Variants in ZNF527 observed in about 807,000 individuals in gnomAD.
ZNF527 encodes the protein zinc finger protein 527.
Under a neutral mutation model 13.5 loss-of-function variants are expected in ZNF527, and 5 were observed. That is an observed-to-expected ratio of 0.37 (90% CI 0.19 to 0.78). The LOEUF (loss-of-function observed/expected upper bound fraction) is 0.78, where lower values mean the gene tolerates loss of function less well. Ranked by LOEUF, ZNF527 falls within the 30% of genes least tolerant of loss-of-function variation. The pLI, the probability that ZNF527 is intolerant of heterozygous loss-of-function variation, is 0.48. For synonymous variants in ZNF527, 209 were observed against 243.1 expected (o/e 0.86, Z 1.30); for missense variants, 628 against 726.4 (o/e 0.86, Z 1.56).
At chr19:37,375,311 T>TTTCTTTTCTTTCTTTCTTTC (rs760003304) in intron 2 of ZNF527, among the ~76,000 whole-genome samples, 56 of 79,806 alleles carry the variant, frequency 7.0e-4, no homozygotes, top group East Asian at 3.7e-3. Flanking sequence ...TCTTTCTTTC[T>TTTCTTTTCTTTCTTTCTTTC]TTTCTTTCTT....
intron 4 of ZNF527, among the ~76,000 whole-genome samples, chr19:37,387,286 T>G (rs1373779215): frequency 6.6e-6 from 1 of 152,232 alleles, no homozygotes; most frequent in East Asian, 1.9e-4. Flanking sequence ...GATTATAGCC[T>G]TGAACACCAA....
chr19:37,377,844 C>G (rs73930980), intron 2 of ZNF527, among the ~76,000 whole-genome samples: 46 of 152,128 alleles, frequency 3.0e-4, no homozygotes, highest in African/African-American at 1.1e-3. Context: ...TTGCTTGTGG[C>G]TGAACCCAAC....
In ZNF527 at chr19:37,391,887, A is replaced by T. The variant is rs1296194697; in HGVS notation, c.*2008A>T. 1 of 152,182 alleles carries T rather than the reference A, an allele frequency of 6.6e-6. No individual in the cohort carries two copies. The highest frequency in any genetic ancestry group is 1.9e-4 in the East Asian group (1 of 5,188). The allele number at this position is 152,182 out of a possible 1,614,324, so 9.4% of individuals were successfully genotyped here. ...TCTTGAATAGTGAGAACCAGTAAGAATATTGGGTATTGCCTGAAGAGCATC... is the reference window on the plus strand; with the variant it reads ...TCTTGAATAGTGAGAACCAGTAAGATTATTGGGTATTGCCTGAAGAGCATC... On this transcript the variant is annotated 3_prime_UTR_variant, in exon 5 of 5. Coordinates refer to ENST00000436120, the MANE Select transcript of ZNF527 (RefSeq NM_032453.2).
chr19:37,380,465 A>T, intron 4 of ZNF527, 93 bp downstream of exon 4: 1 of 1,021,564 alleles, frequency 9.8e-7, no homozygotes, highest in Non-Finnish European at 1.4e-6. Flanking sequence ...GTGGGATGAG[A>T]ACTGAAATCT....
chr19:37,380,066 G>A (rs370998114), intron 3 of ZNF527: 10 of 912,202 alleles, frequency 1.1e-5, no homozygotes, highest in Non-Finnish European at 1.1e-5. Context: ...TGCAGCTGCT[G>A]TAGCACTTTG....
chr19:37,385,543 G>A, intron 4 of ZNF527: 1 of 389,964 alleles, frequency 2.6e-6, no homozygotes, highest in Non-Finnish European at 4.5e-6. Flanking sequence ...TTCTTTTTTT[G>A]TTCATAATTT....
Position 37,392,165 on chromosome 19 carries a change from A to G in ZNF527, c.*2286A>G, listed in dbSNP as rs2040760165. ...TATTTCCAAACTTATGTTACATCTA[A>G]TCTGAAACATATTAATATTATAAGC... On this transcript the variant is annotated 3_prime_UTR_variant, in exon 5 of 5. Transcript: ENST00000436120. 6.6e-6 allele frequency: 1 copy of G among 152,182 alleles called. No individual in the cohort carries two copies. Among genetic ancestry groups the G allele is most frequent in the Non-Finnish European group, 1.5e-5 (1 of 68,034 alleles). The allele number at this position is 152,182 out of a possible 1,614,324, so 9.4% of individuals were successfully genotyped here.
Position 37,389,489 on chromosome 19 carries a change from G to A in ZNF527, c.1440G>A (p.Arg480=), listed in dbSNP as rs1340212402. The change falls in exon 5 of 5, where the codon AGG becomes AGA. Residue 480 remains arginine, a synonymous_variant. Coordinates refer to ENST00000436120, the MANE Select transcript of ZNF527 (RefSeq NM_032453.2). ...GCATCAAATGTGGGAAGTTTTTTAGGACTGACTCACAACTTAATCGACATC... is the reference window on the plus strand; with the variant it reads ...GCATCAAATGTGGGAAGTTTTTTAGAACTGACTCACAACTTAATCGACATC... ...YECIKCGKFF[R]TDSQLNRHHR... 6.2e-7 allele frequency: 1 copy of A among 1,613,812 alleles called. No individual in the cohort carries two copies. The highest frequency in any genetic ancestry group is 2.2e-5 in the East Asian group (1 of 44,840).
At chr19:37,372,788 A>G (rs1052335050) in intron 1 of ZNF527, among the ~76,000 whole-genome samples, 1 of 151,988 alleles carries the variant, frequency 6.6e-6, no homozygotes, top group Non-Finnish European at 1.5e-5. Context: ...CTATTTTTAC[A>G]ATGAAGAAAT....
chr19:37,383,127 T>C (rs1252664713), intron 4 of ZNF527, among the ~76,000 whole-genome samples: 1 of 152,224 alleles, frequency 6.6e-6, no homozygotes, highest in Admixed American at 6.5e-5. Flanking sequence ...ACAAATTTAT[T>C]GTAGCTCTGG....
chr19:37,393,002 T>C lies in ZNF527; in HGVS notation c.*3123T>C, dbSNP rs2040766587. 6.6e-6 allele frequency: 1 copy of C among 152,200 alleles called. No homozygotes were observed. The highest frequency in any genetic ancestry group is 6.5e-5 in the Admixed American group (1 of 15,276). The allele number at this position is 152,200 out of a possible 1,614,324, so 9.4% of individuals were successfully genotyped here. On this transcript the variant is annotated 3_prime_UTR_variant, in exon 5 of 5. Coordinates refer to ENST00000436120, the MANE Select transcript of ZNF527 (RefSeq NM_032453.2). ...GTTATTAGGACCATCTAGAGATTTC[T>C]GTTTATGTGTGTGTATGTGCATCTG... is the stretch of plus-strand genomic sequence containing the variant.
intron 2 of ZNF527, among the ~76,000 whole-genome samples, chr19:37,378,115 C>T (rs767883754): frequency 4.0e-5 from 6 of 151,632 alleles, no homozygotes; most frequent in Non-Finnish European, 8.8e-5. Flanking sequence ...CCTGCAGCCT[C>T]CTCCCGAGTT....
chr19:37,384,740 A>C, intron 4 of ZNF527: 3 of 517,444 alleles, frequency 5.8e-6, no homozygotes, highest in South Asian at 2.7e-5. Flanking sequence ...GAGGAAGGGA[A>C]ATGCTGTTAT....
Position 37,374,040 on chromosome 19 carries a change from G to A in ZNF527, c.-41-118G>A, listed in dbSNP as rs2040579979. ...ACCCCGCCACCCTGGCCAGATCTTG[G>A]AAAAGGTGAGGCTGGCCCATGTAGG... On this transcript the variant is annotated intron_variant, in intron 1 of 4. Transcript: ENST00000436120. The A allele has an allele frequency of 4.7e-5, 33 of 699,646 alleles. 3 individuals are homozygous for A. In the South Asian group the frequency reaches 5.2e-4, roughly 11 times the overall value. The allele number at this position is 699,646 out of a possible 1,614,324, so 43.3% of individuals were successfully genotyped here. A position where few individuals can be genotyped will look rare whatever the true frequency, so the allele number is the denominator to read the frequency against.
At position 37,389,783 on chromosome 19, in the gene ZNF527, A is replaced by G; in HGVS notation, c.1734A>G (p.Gly578=). The change falls in exon 5 of 5, where the codon GGA becomes GGG. Residue 578 remains glycine (G), a synonymous_variant. Transcript: ENST00000436120. ...GACTACACCAGAGAATTCACGCTGG[A>G]GAAAAACCTTATAAATGTAACGAAT... The part of the protein sequence containing the change: ...SLRLHQRIHA[G]EKPYKCNECG... 1 of 1,613,624 alleles carries G rather than the reference A, an allele frequency of 6.2e-7. No individual in the cohort carries two copies. The highest frequency in any genetic ancestry group is 1.1e-5 in the South Asian group (1 of 91,076).
chr19:37,389,543 T>G lies in ZNF527; in HGVS notation c.1494T>G (p.Phe498Leu). 1 of 1,614,194 alleles carries G rather than the reference T, an allele frequency of 6.2e-7. No individual in the cohort carries two copies. The highest frequency in any genetic ancestry group is 8.5e-7 in the Non-Finnish European group (1 of 1,180,030). Residue 498 changes from phenylalanine (F) to leucine (L), a missense_variant, in exon 5 of 5, where the codon TTT (phenylalanine) becomes TTG (leucine). Phe to Leu is a conservative substitution (Grantham distance 22). Around this residue, in one of 3 missense-constraint regions of ZNF527, gnomAD observed 592 missense variants for 678.0 expected, o/e 0.87. Coordinates refer to ENST00000436120, the MANE Select transcript of ZNF527 (RefSeq NM_032453.2). ...HHRIHTGERP[F>L]ECSKCGKAFS... ...GAATTCACACTGGAGAGAGACCATT[T>G]GAATGCAGTAAATGTGGGAAAGCCT...
chr19:37,372,334 T>G (rs1475167349), intron 1 of ZNF527, among the ~76,000 whole-genome samples: 1 of 151,870 alleles, frequency 6.6e-6, no homozygotes, highest in Non-Finnish European at 1.5e-5. Flanking sequence ...TGCACTACAC[T>G]AAGGAAATAA....
Position 37,389,527 on chromosome 19 carries a change from C to T in ZNF527, c.1478C>T (p.Thr493Ile), listed in dbSNP as rs377637580. Residue 493 changes from threonine (T) to isoleucine (I), a missense_variant, in exon 5 of 5, where the codon ACT becomes ATT. Physicochemically the swap from Thr to Ile is moderately conservative, Grantham distance 89. Coordinates refer to ENST00000436120, the MANE Select transcript of ZNF527 (RefSeq NM_032453.2). ...CTTAATCGACATCATAGAATTCACA[C>T]TGGAGAGAGACCATTTGAATGCAGT... Reference protein sequence around the residue: ...SQLNRHHRIHTGERPFECSKC... With the variant: ...SQLNRHHRIHIGERPFECSKC... The T allele has an allele frequency of 1.2e-6, 2 of 1,614,044 alleles. No homozygotes were observed. The highest frequency in any genetic ancestry group is 1.7e-6 in the Non-Finnish European group (2 of 1,180,044).
chr19:37,378,164 A>G (rs2040623298), intron 2 of ZNF527, among the ~76,000 whole-genome samples: 1 of 151,766 alleles, frequency 6.6e-6, no homozygotes, highest in Admixed American at 6.6e-5. Context: ...AGTAGTTGGG[A>G]CTACAGGCAC....
Sources: gnomAD v4.1 joint callset for allele counts (sites outside exome capture counted in the v4.1 genomes callset) on GRCh38, gnomAD v4.1.1 for gene constraint, gnomAD v4.1.1 regional missense constraint, MANE v1.5 for transcripts, NCBI Gene and HGNC (gene_info 2026-07-23, HGNC 2026-07-21) for gene names.